GRIA2: variants seen among roughly 807,000 people sequenced by gnomAD.
The protein encoded by GRIA2 is glutamate ionotropic receptor AMPA type subunit 2, also known as glutamate receptor 2.
Under a neutral mutation model 97.3 loss-of-function variants are expected in GRIA2, and 14 were observed. The observed-to-expected ratio is 0.14, with a 90% CI of 0.10 to 0.23. GRIA2 has a LOEUF of 0.23. Among genes scored for constraint, GRIA2 ranks in the 10% least tolerant of loss-of-function variants. The pLI is 1.00. For synonymous variants in GRIA2, 412 were observed against 387.8 expected, an observed-to-expected ratio of 1.06 and a Z score of -0.73; for missense variants, 558 against 1,069.8, an observed-to-expected ratio of 0.52 and a Z score of 6.67.
At chr4:157,265,399 T>C (rs1429973301) in intron 2 of GRIA2, among the ~76,000 whole-genome samples, 1 of 152,118 alleles carries the variant, frequency 6.6e-6, no homozygotes, top group Non-Finnish European at 1.5e-5. Context: ...TTGCCATGTG[T>C]AAATTCAGCT....
At chr4:157,250,531 G>A (rs1049698036) in intron 2 of GRIA2, among the ~76,000 whole-genome samples, 17 of 152,008 alleles carry the variant, frequency 1.1e-4, no homozygotes, top group African/African-American at 2.9e-4. Context: ...CTTTTCATTC[G>A]TTCCTAAATG....
At chr4:157,360,803 A>C in intron 13 of GRIA2, 1 of 629,154 alleles carries the variant, frequency 1.6e-6, no homozygotes. Context: ...TCTTTCCTTT[A>C]TTTTCTTTTT....
At chr4:157,332,762 T>G in intron 6 of GRIA2, 57 bp from the exon 7 acceptor site, 1 of 1,290,864 alleles carries the variant, frequency 7.7e-7, no homozygotes, top group Non-Finnish European at 1.1e-6. Context: ...ATTGCTGGGG[T>G]GCAGTGAGTT....
At chr4:157,332,090 A>C (rs537682926) in intron 6 of GRIA2, among the ~76,000 whole-genome samples, 10 of 152,204 alleles carry the variant, frequency 6.6e-5, no homozygotes, top group Admixed American at 4.6e-4. Flanking sequence ...GGTAGTATAG[A>C]TACATGCACA....
chr4:157,247,175 G>A (rs1002328460), intron 2 of GRIA2, among the ~76,000 whole-genome samples: 3 of 152,140 alleles, frequency 2.0e-5, no homozygotes, highest in African/African-American at 7.2e-5. Context: ...TGTATTCCCT[G>A]TGCCTGGCCT....
At chr4:157,233,100 T>G (rs939733860) in intron 2 of GRIA2, among the ~76,000 whole-genome samples, 1 of 152,178 alleles carries the variant, frequency 6.6e-6, no homozygotes, top group Non-Finnish European at 1.5e-5. Flanking sequence ...CAAAGAAAAA[T>G]GCAGTTCTAA....
intron 2 of GRIA2, among the ~76,000 whole-genome samples, chr4:157,256,246 A>ATATATGTTATATATTACATATATT (rs1731261327): frequency 2.4e-5 from 2 of 82,248 alleles, no homozygotes; most frequent in African/African-American, 5.5e-5. Context: ...ATATATATAT[A>ATATATGTTATATATTACATATATT]ATATATAAAT....
chr4:157,259,549 A>T (rs1228074320), intron 2 of GRIA2, among the ~76,000 whole-genome samples: 1 of 152,150 alleles, frequency 6.6e-6, no homozygotes, highest in Admixed American at 6.6e-5. Flanking sequence ...TTTAGGGTAC[A>T]TTCATCCTGT....
rs1736624426 is a variant in GRIA2 at position 157,361,373 on chromosome 4, C to G, written c.2406+249C>G. 6.6e-6 allele frequency among the ~76,000 whole-genome samples: 1 copy of G among 152,184 alleles called. No individual in the cohort carries two copies. The highest frequency in any genetic ancestry group is 2.4e-5 in the African/African-American group (1 of 41,442). On this transcript the variant is annotated intron_variant, in intron 14 of 15. Transcript: ENST00000264426. The surrounding 1 kb of genome is among the most constrained non-coding windows in gnomAD (Gnocchi z 5.2). Reference sequence around the variant, plus strand: ...AAACTGTTGCACCTGCTGGTTACTTCCAGCGATACATTAATGCTCATTTGG... The same window carrying G: ...AAACTGTTGCACCTGCTGGTTACTTGCAGCGATACATTAATGCTCATTTGG...
intron 12 of GRIA2, among the ~76,000 whole-genome samples, chr4:157,355,749 TTTAC>T: frequency 2.2e-5 from 1 of 44,852 alleles, no homozygotes; most frequent in East Asian, 6.0e-4. Context: ...TATTTATATA[TTTAC>T]ATATATTAGT....
At position 157,276,592 on chromosome 4, in the gene GRIA2, AG is replaced by A. The variant is rs1471546438; in HGVS notation, c.230-26958del. ...GAGTGAGAAAATCAATGAAACCAAA[AG>A]GTGTTTTTTTAATTTTTTAAAGATC... is the stretch of plus-strand genomic sequence containing the variant. On this transcript the variant is annotated intron_variant, in intron 2 of 15. Coordinates refer to ENST00000264426, the MANE Select transcript of GRIA2 (RefSeq NM_001083619.3). Among the ~76,000 whole-genome samples, 56 of 152,054 alleles carry A rather than the reference AG, an allele frequency of 3.7e-4. 1 individual carries two copies. Among genetic ancestry groups the A allele is most frequent in the East Asian group, 9.7e-4 (5 of 5,166 alleles).
chr4:157,356,829 C>A (rs1736403067), intron 12 of GRIA2, among the ~76,000 whole-genome samples: 1 of 152,064 alleles, frequency 6.6e-6, no homozygotes, highest in African/African-American at 2.4e-5. Flanking sequence ...GTGTGCTCCC[C>A]AGTGCATCAG....
chr4:157,309,089 C>G (rs1733961229), intron 3 of GRIA2, among the ~76,000 whole-genome samples: 1 of 152,076 alleles, frequency 6.6e-6, no homozygotes, highest in Non-Finnish European at 1.5e-5. Context: ...AATGCAATCA[C>G]TTGTGAATTA....
intron 2 of GRIA2, among the ~76,000 whole-genome samples, chr4:157,254,837 C>T (rs1396041620): frequency 8.5e-5 from 13 of 152,092 alleles, no homozygotes; most frequent in Admixed American, 5.9e-4. Context: ...TTGAATTTAA[C>T]GTACCTGGTC....
chr4:157,299,496 A>G (rs766988154), intron 2 of GRIA2, among the ~76,000 whole-genome samples: 1 of 152,162 alleles, frequency 6.6e-6, no homozygotes, highest in African/African-American at 2.4e-5. Context: ...CAAAAAAAAC[A>G]TACTCAGTTC....
intron 2 of GRIA2, among the ~76,000 whole-genome samples, chr4:157,251,749 A>T (rs1380549562): frequency 6.6e-6 from 1 of 152,098 alleles, no homozygotes; most frequent in Admixed American, 6.6e-5. Flanking sequence ...TTTTAAGATT[A>T]TTTGCTGCAT....
At chr4:157,341,068 A>G (rs1735526381) in intron 11 of GRIA2, among the ~76,000 whole-genome samples, 196 bp from the exon 12 acceptor site, 1 of 152,090 alleles carries the variant, frequency 6.6e-6, no homozygotes, top group African/African-American at 2.4e-5. Flanking sequence ...ACCTGTGTGT[A>G]TGTTATTAAA....
intron 6 of GRIA2, among the ~76,000 whole-genome samples, chr4:157,329,587 G>A (rs1386292175): frequency 6.6e-6 from 1 of 151,882 alleles, no homozygotes; most frequent in Non-Finnish European, 1.5e-5. Flanking sequence ...GTACTTATTA[G>A]ATCACAGAAC....
chr4:157,253,064 T>G (rs979182455), intron 2 of GRIA2, among the ~76,000 whole-genome samples: 3 of 152,010 alleles, frequency 2.0e-5, no homozygotes, highest in Non-Finnish European at 4.4e-5. Context: ...ATTGTGGTGT[T>G]TATTACTATT....
Sources: allele counts gnomAD v4.1 joint callset (sites outside exome capture counted in the v4.1 genomes callset), GRCh38; gene constraint gnomAD v4.1.1; non-coding constraint Gnocchi (gnomAD v3.1); transcripts MANE v1.5; gene names NCBI Gene and HGNC (gene_info 2026-07-23, HGNC 2026-07-21).